The following SFMBT2 variants were observed in gnomAD, a reference collection of about 807,000 sequenced individuals.
SFMBT2 encodes the protein scm-like with four MBT domains protein 2.
A neutral mutation model predicts 110.1 loss-of-function variants in SFMBT2; 38 were observed. The ratio of observed to expected loss-of-function variants is 0.35; its 90% CI spans 0.27 to 0.45. SFMBT2 has a LOEUF of 0.45. Among genes scored for constraint, SFMBT2 ranks in the 20% least tolerant of loss-of-function variants. The probability of loss-of-function intolerance (pLI) is 1.00; values close to 1 mark genes in which losing one functional copy is unlikely to be tolerated. For synonymous variants in SFMBT2, 425 were observed against 425.4 expected, an observed-to-expected ratio of 1.00 and a Z score of 0.01; for missense variants, 1,011 against 1,094.9, an observed-to-expected ratio of 0.92 and a Z score of 1.08.
intron 2 of SFMBT2, among the ~76,000 whole-genome samples, chr10:7,377,292 G>A (rs116817706): frequency 0.01 from 1,586 of 152,134 alleles, 29 homozygotes; most frequent in African/African-American, 0.037. Context: ...ACTTGCGAGG[G>A]AGACAGTAAC....
chr10:7,336,057 C>T (rs561641636), intron 4 of SFMBT2, among the ~76,000 whole-genome samples: 4 of 152,282 alleles, frequency 2.6e-5, no homozygotes, highest in African/African-American at 7.2e-5. Context: ...AACTGAAGTA[C>T]TTAATATTTC....
chr10:7,243,577 G>T lies in SFMBT2; in HGVS notation c.1101C>A (p.Val367=). 1 of 872,854 alleles carries T rather than the reference G, an allele frequency of 1.1e-6. No individual in the cohort carries two copies. Among genetic ancestry groups the T allele is most frequent in the South Asian group, 1.3e-5 (1 of 76,534 alleles). The allele number at this position is 872,854 out of a possible 1,614,324, so 54.1% of individuals were successfully genotyped here. Residue 367 remains valine, a synonymous_variant, in exon 9 of 21, where the codon GTC becomes GTA. Transcript: ENST00000397167. ...ACAAACCTTTGGGAGGAGTGAGGCT[G>T]ACTCCATTTTTAAGGCACCACTGTA... ...LPVQWCLKNG[V]SLTPPKGYSG... is the part of the protein sequence containing the mutation.
intron 1 of SFMBT2, among the ~76,000 whole-genome samples, chr10:7,395,095 G>A (rs2132112720): frequency 6.6e-6 from 1 of 152,248 alleles, no homozygotes; most frequent in Admixed American, 6.5e-5. Context: ...AAGGTGGGTG[G>A]ATTACCTGAG....
intron 9 of SFMBT2, among the ~76,000 whole-genome samples, chr10:7,234,918 C>T (rs753585952): frequency 3.9e-5 from 6 of 152,206 alleles, no homozygotes; most frequent in South Asian, 2.1e-4. Flanking sequence ...CTATCTACAG[C>T]TGGCCCCAGG....
intron 1 of SFMBT2, among the ~76,000 whole-genome samples, chr10:7,409,868 A>G (rs1320388202): frequency 6.6e-6 from 1 of 152,014 alleles, no homozygotes; most frequent in African/African-American, 2.4e-5. Context: ...GGCGCTTCCA[A>G]GAAAACACGA....
chr10:7,233,779 C>A (rs1457262054), intron 9 of SFMBT2, among the ~76,000 whole-genome samples: 2 of 152,338 alleles, frequency 1.3e-5, no homozygotes, highest in East Asian at 3.9e-4. Context: ...TTTGAGGCAA[C>A]CAACATTCCT....
chr10:7,284,214 T>A (rs748935966), intron 5 of SFMBT2, 64 bp from the exon 6 acceptor site: 3 of 1,573,610 alleles, frequency 1.9e-6, no homozygotes, highest in Non-Finnish European at 2.6e-6. Context: ...TGGAAACAGA[T>A]GACAGCAGAA....
At chr10:7,282,712 A>C (rs1841980993) in intron 6 of SFMBT2, among the ~76,000 whole-genome samples, 2 of 152,232 alleles carry the variant, frequency 1.3e-5, no homozygotes, top group African/African-American at 4.8e-5. Flanking sequence ...AGTGTTTTCA[A>C]TTAGAGCCTC....
In SFMBT2 at chr10:7,188,705, T is replaced by G; in HGVS notation, c.1727A>C (p.Tyr576Ser). ...TTCTCTTAATACCCTTCCAGGCTTG[T>G]AGGCTGCGTTGATTATCATGCTAAG... ...EVLSMIINAA[Y>S]KPGRVLRELQ... The change falls in exon 16 of 21, where the codon TAC becomes TCC. Residue 576 changes from tyrosine (Y) to serine (S), a missense_variant. Physicochemically the swap from Tyr to Ser is moderately radical, Grantham distance 144. Coordinates refer to ENST00000397167, the MANE Select transcript of SFMBT2 (RefSeq NM_001387889.1). The G allele has an allele frequency of 6.2e-7, 1 of 1,613,402 alleles. No homozygotes were observed. The highest frequency in any genetic ancestry group is 1.1e-5 in the South Asian group (1 of 90,866).
intron 4 of SFMBT2, among the ~76,000 whole-genome samples, chr10:7,298,329 T>A (rs1021885366): frequency 2.0e-5 from 3 of 152,174 alleles, no homozygotes; most frequent in Non-Finnish European, 4.4e-5. Flanking sequence ...GACTGAGACC[T>A]CCACCCTGTG....
At chr10:7,192,718 TC>T (rs887233942) in intron 15 of SFMBT2, among the ~76,000 whole-genome samples, 27 of 152,148 alleles carry the variant, frequency 1.8e-4, no homozygotes, top group Non-Finnish European at 4.4e-5. Flanking sequence ...ACTGGAAAGA[TC>T]CCAAACTGCA....
chr10:7,169,657 A>G (rs1837811342), intron 20 of SFMBT2, among the ~76,000 whole-genome samples: 1 of 152,236 alleles, frequency 6.6e-6, no homozygotes, highest in South Asian at 2.1e-4. Context: ...ACAACGCAAG[A>G]AACTTCAACA....
At chr10:7,333,324 C>T (rs1449925158) in intron 4 of SFMBT2, among the ~76,000 whole-genome samples, 1 of 151,838 alleles carries the variant, frequency 6.6e-6, no homozygotes, top group Non-Finnish European at 1.5e-5. Context: ...TAAGGACACA[C>T]CATAATGCCT....
chr10:7,300,569 C>A (rs1451902166), intron 4 of SFMBT2, among the ~76,000 whole-genome samples: 1 of 152,180 alleles, frequency 6.6e-6, no homozygotes, highest in Non-Finnish European at 1.5e-5. Context: ...CCACCCAGCC[C>A]GGGAATTTCC....
intron 3 of SFMBT2, among the ~76,000 whole-genome samples, chr10:7,369,429 T>C (rs1845001843): frequency 6.6e-6 from 1 of 152,236 alleles, no homozygotes; most frequent in Admixed American, 6.5e-5. Context: ...AATGATATTA[T>C]ACATTACCAG....
At chr10:7,390,725 T>A (rs1337207855) in intron 1 of SFMBT2, among the ~76,000 whole-genome samples, 1 of 152,226 alleles carries the variant, frequency 6.6e-6, no homozygotes, top group African/African-American at 2.4e-5. Context: ...TGACTCCTCA[T>A]TACCCATTTG....
At chr10:7,309,906 G>T (rs1842802206) in intron 4 of SFMBT2, among the ~76,000 whole-genome samples, 5 of 152,110 alleles carry the variant, frequency 3.3e-5, no homozygotes, top group Admixed American at 3.3e-4. Flanking sequence ...GCCCAGAGAT[G>T]GCTCCAGTCT....
intron 4 of SFMBT2, among the ~76,000 whole-genome samples, chr10:7,343,257 G>A (rs1016792497): frequency 3.3e-5 from 5 of 151,828 alleles, no homozygotes; most frequent in Admixed American, 2.6e-4. Context: ...ATTCCATGGT[G>A]TATGTGTAAC....
At chr10:7,347,936 G>C (rs796813384) in intron 4 of SFMBT2, among the ~76,000 whole-genome samples, 1 of 152,116 alleles carries the variant, frequency 6.6e-6, no homozygotes. Flanking sequence ...CAAATCTAAA[G>C]ATCCATTTGG....
Sources: gnomAD v4.1 joint callset for allele counts (sites outside exome capture counted in the v4.1 genomes callset) on GRCh38, gnomAD v4.1.1 for gene constraint, MANE v1.5 for transcripts, NCBI Gene and HGNC (gene_info 2026-07-23, HGNC 2026-07-21) for gene names.